Variants in ANKRD29 observed in about 807,000 individuals in gnomAD.
The protein encoded by ANKRD29 is ankyrin repeat domain 29, also known as ankyrin repeat domain-containing protein 29.
A neutral mutation model predicts 38.0 loss-of-function variants in ANKRD29; 32 were observed. The ratio of observed to expected loss-of-function variants is 0.84; its 90% CI spans 0.64 to 1.13. The LOEUF is 1.13. Among genes scored for constraint, ANKRD29 ranks in the 50% most tolerant of loss-of-function variants. ANKRD29 has a pLI of 0.00. For synonymous variants in ANKRD29, 135 were observed against 152.4 expected (o/e 0.89, Z 0.84); for missense variants, 357 against 377.9 (o/e 0.94, Z 0.46).
intron 6 of ANKRD29, among the ~76,000 whole-genome samples, chr18:23,621,216 G>A (rs911639885): frequency 4.6e-5 from 7 of 152,196 alleles, no homozygotes; most frequent in Non-Finnish European, 1.0e-4. Context: ...GGGGGAAGGG[G>A]GGCTGAAGAG....
chr18:23,630,288 G>C (rs375370837), intron 5 of ANKRD29, among the ~76,000 whole-genome samples: 3 of 152,316 alleles, frequency 2.0e-5, no homozygotes, highest in Admixed American at 6.5e-5. Context: ...TTAGCCAGGC[G>C]TGGTGGCGGG....
intron 9 of ANKRD29, among the ~76,000 whole-genome samples, chr18:23,606,499 G>A (rs2059576606): frequency 6.6e-6 from 1 of 151,980 alleles, no homozygotes; most frequent in Non-Finnish European, 1.5e-5. Flanking sequence ...TTTGTAGAGA[G>A]GGGGTCTTGC....
chr18:23,643,576 A>G (rs2060104330), intron 3 of ANKRD29, among the ~76,000 whole-genome samples: 2 of 152,238 alleles, frequency 1.3e-5, no homozygotes, highest in African/African-American at 4.8e-5. Context: ...ACTATTAATC[A>G]TTCTGTACCT....
chr18:23,635,939 G>C (rs1185946790), intron 4 of ANKRD29, among the ~76,000 whole-genome samples: 2 of 152,174 alleles, frequency 1.3e-5, no homozygotes, highest in Non-Finnish European at 2.9e-5. Context: ...GGAGAGGAGG[G>C]AGGCTGAAGG....
intron 3 of ANKRD29, among the ~76,000 whole-genome samples, chr18:23,641,161 T>C (rs1598515491): frequency 1.3e-5 from 2 of 152,202 alleles, no homozygotes; most frequent in Admixed American, 6.5e-5. Flanking sequence ...GCTGCGAAGA[T>C]GCAGGCTGCC....
chr18:23,651,193 G>C (rs2060206639), intron 1 of ANKRD29, among the ~76,000 whole-genome samples: 1 of 152,218 alleles, frequency 6.6e-6, no homozygotes, highest in Admixed American at 6.5e-5. Flanking sequence ...GAGAATGGCA[G>C]GGTGGAGAGT....
chr18:23,633,243 C>G (rs550711540), intron 5 of ANKRD29, among the ~76,000 whole-genome samples: 1 of 152,210 alleles, frequency 6.6e-6, no homozygotes, highest in African/African-American at 2.4e-5. Flanking sequence ...GCAGTGGATG[C>G]CTTTCACAGG....
chr18:23,612,274 G>C, intron 8 of ANKRD29, 84 bp from the exon 9 acceptor site: 1 of 1,233,516 alleles, frequency 8.1e-7, no homozygotes, highest in Non-Finnish European at 1.2e-6. Context: ...CCATCTGGGT[G>C]ATAAGACTGT....
At chr18:23,626,188 G>A (rs1045608108) in intron 6 of ANKRD29, among the ~76,000 whole-genome samples, 4 of 152,288 alleles carry the variant, frequency 2.6e-5, no homozygotes, top group South Asian at 2.1e-4. Context: ...CTGGGAGAAC[G>A]TTTAATTTCT....
At chr18:23,602,706 G>A (rs1056137641) in intron 9 of ANKRD29, among the ~76,000 whole-genome samples, 87 of 151,852 alleles carry the variant, frequency 5.7e-4, no homozygotes, top group African/African-American at 1.8e-3. Flanking sequence ...GACCACTTGA[G>A]CTCAGGAGTT....
At chr18:23,662,621 C>CCAAA in intron 1 of ANKRD29, 89 bp downstream of exon 1, 1 of 389,132 alleles carries the variant, frequency 2.6e-6, no homozygotes, top group Non-Finnish European at 4.6e-6. Context: ...GCGCCCACCC[C>CCAAA]ATCCCACCCC....
At chr18:23,625,602 G>A (rs1711463) in intron 6 of ANKRD29, among the ~76,000 whole-genome samples, 123,533 of 152,124 alleles carry the variant, frequency 0.81, 50,743 homozygotes, top group African/African-American at 0.94. Flanking sequence ...GTTGGAATAG[G>A]AATGATAATA....
At chr18:23,648,566 T>C (rs1047853956) in intron 2 of ANKRD29, 1 of 217,422 alleles carries the variant, frequency 4.6e-6, no homozygotes. Flanking sequence ...CTCTAAGTGG[T>C]ATCTGCCAGT....
At chr18:23,623,394 A>T (rs2059820162) in intron 6 of ANKRD29, among the ~76,000 whole-genome samples, 1 of 152,124 alleles carries the variant, frequency 6.6e-6, no homozygotes, top group Admixed American at 6.5e-5. Context: ...TTGATTATTT[A>T]GTTTATGAAT....
chr18:23,661,427 C>G (rs1425557706), intron 1 of ANKRD29, among the ~76,000 whole-genome samples: 1 of 152,190 alleles, frequency 6.6e-6, no homozygotes, highest in African/African-American at 2.4e-5. Context: ...TAAAGTCGGC[C>G]GGGCGTAGTG....
intron 1 of ANKRD29, among the ~76,000 whole-genome samples, chr18:23,657,506 G>T (rs1289789240): frequency 6.6e-6 from 1 of 152,078 alleles, no homozygotes. Flanking sequence ...CAATCCAGTG[G>T]GTTTTGGTGC....
At chr18:23,638,799 T>A in intron 4 of ANKRD29, 50 bp downstream of exon 4, 1 of 1,447,820 alleles carries the variant, frequency 6.9e-7, no homozygotes, top group Non-Finnish European at 9.5e-7. Context: ...GCAATACCCA[T>A]GGCTGCTGAA....
chr18:23,614,215 C>T (rs1255162400), intron 8 of ANKRD29, among the ~76,000 whole-genome samples: 2 of 151,962 alleles, frequency 1.3e-5, no homozygotes, highest in Non-Finnish European at 2.9e-5. Flanking sequence ...GTGTACACCA[C>T]CACTCTTGGC....
chr18:23,617,968 C>G, intron 7 of ANKRD29, 141 bp from the exon 8 acceptor site: 1 of 617,696 alleles, frequency 1.6e-6, no homozygotes, highest in Non-Finnish European at 2.9e-6. Flanking sequence ...GTCTCTTAAT[C>G]TAGGAGCATT....
Sources: gnomAD v4.1 joint callset for allele counts (sites outside exome capture counted in the v4.1 genomes callset) on GRCh38, gnomAD v4.1.1 for gene constraint, MANE v1.5 for transcripts, NCBI Gene and HGNC (gene_info 2026-07-23, HGNC 2026-07-21) for gene names.